The following WDR75 variants were observed in gnomAD, a reference collection of about 807,000 sequenced individuals.
The protein encoded by WDR75 is WD repeat domain 75, also known as WD repeat-containing protein 75.
WDR75 carries 52 observed loss-of-function variants against 106.1 expected under a neutral mutation model. The ratio of observed to expected loss-of-function variants is 0.49; its 90% CI spans 0.39 to 0.62. The LOEUF is 0.62. Ranked by LOEUF, WDR75 falls within the 20% of genes least tolerant of loss-of-function variation. WDR75 has a pLI of 0.00. For missense variants in WDR75, 905 were observed against 970.3 expected (o/e 0.93, Z 0.89); for synonymous variants, 333 against 335.5 (o/e 0.99, Z 0.08).
chr2:189,450,011 C>G, intron 2 of WDR75: 1 of 985,280 alleles, frequency 1.0e-6, no homozygotes, highest in Non-Finnish European at 1.2e-6. Context: ...CAAAAGTAAG[C>G]CTATGTGTTA....
chr2:189,455,322 A>G lies in WDR75; in HGVS notation c.376A>G (p.Ile126Val), dbSNP rs1686710747. 6.2e-7 allele frequency: 1 copy of G among 1,613,794 alleles called. No homozygotes were observed. Among genetic ancestry groups the G allele is most frequent in the African/African-American group, 1.3e-5 (1 of 74,998 alleles). ...FVIVNKEKPD[I>V]FQLVSVKLPK... ...TTAATATAGCTTTCTTTGGCTAGAT[A>G]TATTTCAGCTGGTTTCAGTGAAACT... Residue 126 changes from isoleucine (I) to valine (V), a missense_variant and splice_region_variant, in exon 5 of 21, where the codon ATA (isoleucine) becomes GTA (valine). Physicochemically the swap from Ile to Val is conservative, Grantham distance 29. Transcript: ENST00000314761.
chr2:189,470,940 A>G (rs904368135), intron 18 of WDR75, 62 bp downstream of exon 18: 2 of 1,301,558 alleles, frequency 1.5e-6, no homozygotes, highest in African/African-American at 3.0e-5. Context: ...ATTACCTTTT[A>G]GAAGTCAACT....
At chr2:189,462,887 C>T (rs1686926186) in intron 9 of WDR75, among the ~76,000 whole-genome samples, 1 of 152,006 alleles carries the variant, frequency 6.6e-6, no homozygotes, top group African/African-American at 2.4e-5. Context: ...ATTGATGTGC[C>T]ACTTACATTT....
At position 189,469,339 on chromosome 2, in the gene WDR75, C is replaced by T. The variant is rs758512044; in HGVS notation, c.1724-5C>T. ...GAAGTGAATCACCTTTGTTTTTCCCCTCAGTGGAGTGGAATGCAAAATTAA... is the reference window on the plus strand; with the variant it reads ...GAAGTGAATCACCTTTGTTTTTCCCTTCAGTGGAGTGGAATGCAAAATTAA... On this transcript the variant is annotated splice_polypyrimidine_tract_variant and splice_region_variant and intron_variant, in intron 15 of 20. Coordinates refer to ENST00000314761, the MANE Select transcript of WDR75 (RefSeq NM_032168.3). The T allele has an allele frequency of 3.1e-6, 5 of 1,609,588 alleles. No homozygotes were observed. In the East Asian group the frequency reaches 1.1e-4, roughly 36 times the overall value.
chr2:189,462,700 C>A, intron 9 of WDR75, 58 bp downstream of exon 9: 1 of 1,518,844 alleles, frequency 6.6e-7, no homozygotes, highest in Non-Finnish European at 9.0e-7. Flanking sequence ...TAGCTAGCAT[C>A]TGTAGGGAAC....
intron 2 of WDR75, chr2:189,448,892 G>T (rs1461958457): frequency 2.1e-6 from 1 of 471,484 alleles, no homozygotes; most frequent in African/African-American, 2.0e-5. Context: ...TTGGTGTCTG[G>T]AACACATTTT....
chr2:189,451,758 A>G (rs757834613), intron 3 of WDR75, 47 bp from the exon 4 acceptor site: 4 of 1,506,072 alleles, frequency 2.7e-6, no homozygotes, highest in Non-Finnish European at 2.8e-6. Flanking sequence ...CTTATGTTCC[A>G]CTGGAGGGAA....
intron 18 of WDR75, among the ~76,000 whole-genome samples, chr2:189,471,102 T>A (rs945639645): frequency 6.6e-6 from 1 of 152,144 alleles, no homozygotes; most frequent in African/African-American, 2.4e-5. Context: ...GAGTCAAATA[T>A]TTTTACAAGG....
chr2:189,462,777 T>G, intron 9 of WDR75, 135 bp downstream of exon 9: 1 of 774,168 alleles, frequency 1.3e-6, no homozygotes, highest in Non-Finnish European at 2.0e-6. Context: ...TTCCTTGCAT[T>G]ACTCCTCTCT....
At chr2:189,467,830 A>G (rs1687033811) in intron 14 of WDR75, among the ~76,000 whole-genome samples, 182 bp downstream of exon 14, 1 of 152,216 alleles carries the variant, frequency 6.6e-6, no homozygotes. Context: ...CATTTCTGAA[A>G]TTCAGGTTAA....
In WDR75 at chr2:189,457,058, A is replaced by G. The variant is rs563853413; in HGVS notation, c.499-253A>G. ...GGAGTACGAGACCAGCCTGGCCAAC[A>G]TGGTGAAACCCATCTCTACTAGAAA... On this transcript the variant is annotated intron_variant, in intron 5 of 20. Coordinates refer to ENST00000314761, the MANE Select transcript of WDR75 (RefSeq NM_032168.3). Among the ~76,000 whole-genome samples, 6 of 152,226 alleles carry G rather than the reference A, an allele frequency of 3.9e-5. No individual in the cohort carries two copies. The East Asian group carries it at 7.7e-4, about 20-fold the overall frequency.
chr2:189,469,213 A>G (rs1687067670), intron 15 of WDR75, 131 bp from the exon 16 acceptor site: 1 of 726,902 alleles, frequency 1.4e-6, no homozygotes. Context: ...GCATTCTACA[A>G]ATCATTTCAG....
intron 5 of WDR75, among the ~76,000 whole-genome samples, chr2:189,456,528 G>T (rs897160646): frequency 4.6e-5 from 7 of 151,986 alleles, no homozygotes; most frequent in East Asian, 1.9e-4. Context: ...AAGCAGAAAA[G>T]AGTGTATATT....
intron 8 of WDR75, 88 bp from the exon 9 acceptor site, chr2:189,462,396 G>A (rs1377158756): frequency 1.4e-6 from 2 of 1,447,020 alleles, no homozygotes; most frequent in Non-Finnish European, 1.9e-6. Context: ...CTCTAGTACG[G>A]TAGCAAAAAC....
chr2:189,462,406 C>G (rs1686908617), intron 8 of WDR75, 78 bp from the exon 9 acceptor site: 5 of 1,523,494 alleles, frequency 3.3e-6, no homozygotes, highest in Non-Finnish European at 4.5e-6. Context: ...GTAGCAAAAA[C>G]AAAAGTGTTA....
At chr2:189,461,007 TA>T (rs1686870645) in intron 8 of WDR75, among the ~76,000 whole-genome samples, 1 of 152,204 alleles carries the variant, frequency 6.6e-6, no homozygotes, top group Admixed American at 6.5e-5. Context: ...TTGAGGCATA[TA>T]TGAACTATAT....
At chr2:189,454,207 A>AG (rs1686686161) in intron 4 of WDR75, among the ~76,000 whole-genome samples, 1 of 152,196 alleles carries the variant, frequency 6.6e-6, no homozygotes, top group Non-Finnish European at 1.5e-5. Flanking sequence ...GGTGGAAGTG[A>AG]GCCAGTGGAG....
chr2:189,462,713 A>G, intron 9 of WDR75, 71 bp downstream of exon 9: 1 of 1,413,382 alleles, frequency 7.1e-7, no homozygotes, highest in East Asian at 2.3e-5. Context: ...TAGGGAACAG[A>G]GAATAAAGAG....
chr2:189,456,396 AAT>A (rs1238602235), intron 5 of WDR75, among the ~76,000 whole-genome samples: 1 of 152,174 alleles, frequency 6.6e-6, no homozygotes, highest in African/African-American at 2.4e-5. Flanking sequence ...TCAGCAAGAG[AAT>A]AAACAAATGT....
Sources: gnomAD v4.1 joint callset for allele counts (sites outside exome capture counted in the v4.1 genomes callset) on GRCh38, gnomAD v4.1.1 for gene constraint, MANE v1.5 for transcripts, NCBI Gene and HGNC (gene_info 2026-07-23, HGNC 2026-07-21) for gene names.